The following PARD3B variants were observed in gnomAD, a reference collection of about 807,000 sequenced individuals.
PARD3B encodes partitioning defective 3 homolog B.
PARD3B carries 103 observed loss-of-function variants against 130.2 expected under a neutral mutation model. The observed-to-expected ratio is 0.79, with a 90% CI of 0.67 to 0.93. The LOEUF is 0.93. Among genes scored for constraint, PARD3B ranks in the 40% least tolerant of loss-of-function variants. PARD3B has a pLI of 0.00. For synonymous variants in PARD3B, 583 were observed against 553.2 expected, an observed-to-expected ratio of 1.05 and a Z score of -0.76; for missense variants, 1,609 against 1,499.2, an observed-to-expected ratio of 1.07 and a Z score of -1.21.
intron 1 of PARD3B, among the ~76,000 whole-genome samples, chr2:204,668,549 A>G (rs1017676387): frequency 2.0e-5 from 3 of 152,198 alleles, no homozygotes; most frequent in Non-Finnish European, 4.4e-5. Context: ...TATGTTTTTT[A>G]GTTACGTCAT....
intron 6 of PARD3B, among the ~76,000 whole-genome samples, chr2:205,118,609 C>T (rs988051697): frequency 2.0e-5 from 3 of 152,228 alleles, no homozygotes; most frequent in Non-Finnish European, 4.4e-5. Context: ...GTGTGATGCC[C>T]TTCTCCAAAC....
intron 22 of PARD3B, among the ~76,000 whole-genome samples, chr2:205,588,014 C>CA (rs1228809235): frequency 1.3e-5 from 2 of 152,196 alleles, no homozygotes; most frequent in African/African-American, 4.8e-5. Context: ...CACCTGCATG[C>CA]AGTGGGCATT....
At chr2:205,383,908 T>C (rs2105955570) in intron 18 of PARD3B, among the ~76,000 whole-genome samples, 1 of 152,250 alleles carries the variant, frequency 6.6e-6, no homozygotes, top group African/African-American at 2.4e-5. Context: ...ACTTCCTTCT[T>C]CTAACCTAAT....
At chr2:204,999,787 T>C (rs1276065055) in intron 3 of PARD3B, among the ~76,000 whole-genome samples, 1 of 152,196 alleles carries the variant, frequency 6.6e-6, no homozygotes, top group Non-Finnish European at 1.5e-5. Context: ...GAATTCAATC[T>C]TTCTTAGGAA....
intron 2 of PARD3B, among the ~76,000 whole-genome samples, chr2:204,856,039 T>G (rs1335295736): frequency 6.6e-6 from 1 of 152,198 alleles, no homozygotes; most frequent in Non-Finnish European, 1.5e-5. Flanking sequence ...TTTGACATGT[T>G]GATTTCATTT....
At chr2:205,055,198 C>T (rs1699557074) in intron 4 of PARD3B, among the ~76,000 whole-genome samples, 1 of 152,052 alleles carries the variant, frequency 6.6e-6, no homozygotes, top group South Asian at 2.1e-4. Context: ...TTGTAATTTT[C>T]TAATAACTGT....
rs188972751 is a variant in PARD3B at position 204,732,751 on chromosome 2, T to C, written c.222+46469T>C. Among the ~76,000 whole-genome samples the C allele has an allele frequency of 3.0e-3, 450 of 152,296 alleles. 1 individual carries two copies. The highest frequency in any genetic ancestry group is 9.6e-3 in the African/African-American group (399 of 41,558). On this transcript the variant is annotated intron_variant, in intron 2 of 22. Coordinates refer to ENST00000406610, the MANE Select transcript of PARD3B (RefSeq NM_001302769.2). The stretch of plus-strand genomic sequence containing the variant: ...GAGACATGTGTACCTTACTTATGGA[T>C]ACTTGGCAAGGTAGGCATTAGTATT...
rs114461688 is a variant in PARD3B, at chr2:204,921,816, A to G, written c.223-43336A>G. Among the ~76,000 whole-genome samples, 558 of 152,228 alleles carry G rather than the reference A, an allele frequency of 3.7e-3. 5 individuals are homozygous for G. Among genetic ancestry groups the G allele is most frequent in the African/African-American group, 0.012 (519 of 41,556 alleles). Reference sequence around the variant, plus strand: ...AGAAAGAGATATCAAATAGGGGACTATTGCAATAAGTCAGATAAGAGGTGA... The same window carrying G: ...AGAAAGAGATATCAAATAGGGGACTGTTGCAATAAGTCAGATAAGAGGTGA... On this transcript the variant is annotated intron_variant, in intron 2 of 22. Transcript: ENST00000406610.
chr2:204,694,341 C>T (rs1299247147), intron 2 of PARD3B, among the ~76,000 whole-genome samples: 1 of 151,904 alleles, frequency 6.6e-6, no homozygotes, highest in Admixed American at 6.6e-5. Context: ...TAACATTTAC[C>T]ACTTACCATC....
At chr2:204,870,274 G>A (rs2045581746) in intron 2 of PARD3B, among the ~76,000 whole-genome samples, 1 of 152,110 alleles carries the variant, frequency 6.6e-6, no homozygotes. Context: ...CAATTAATTG[G>A]ATAACTACCA....
At chr2:204,745,616 T>G (rs1460042368) in intron 2 of PARD3B, among the ~76,000 whole-genome samples, 1 of 152,094 alleles carries the variant, frequency 6.6e-6, no homozygotes, top group Non-Finnish European at 1.5e-5. Context: ...TTGGCCAGGC[T>G]GGTCTCAAAC....
intron 1 of PARD3B, among the ~76,000 whole-genome samples, chr2:204,682,621 G>T (rs2036888780): frequency 6.6e-6 from 1 of 152,178 alleles, no homozygotes; most frequent in Non-Finnish European, 1.5e-5. Context: ...TTGCATGGCT[G>T]AGAACTGTAA....
At chr2:204,926,159 G>C (rs1687601145) in intron 2 of PARD3B, among the ~76,000 whole-genome samples, 1 of 151,972 alleles carries the variant, frequency 6.6e-6, no homozygotes, top group African/African-American at 2.4e-5. Context: ...TGAGCACTAG[G>C]CACCTGGATT....
intron 1 of PARD3B, among the ~76,000 whole-genome samples, chr2:204,575,303 G>T (rs1413332892): frequency 3.3e-5 from 5 of 152,184 alleles, no homozygotes; most frequent in African/African-American, 1.2e-4. Flanking sequence ...AATGGTTGGA[G>T]TGAACCTTTA....
chr2:205,198,395 G>A (rs1361938264), intron 15 of PARD3B, among the ~76,000 whole-genome samples: 3 of 152,196 alleles, frequency 2.0e-5, no homozygotes, highest in African/African-American at 7.2e-5. Flanking sequence ...AGTCTTTTAA[G>A]AAAGAGCATG....
At chr2:205,220,457 T>G (rs1427536319) in intron 15 of PARD3B, among the ~76,000 whole-genome samples, 1 of 152,184 alleles carries the variant, frequency 6.6e-6, no homozygotes, top group Non-Finnish European at 1.5e-5. Flanking sequence ...CATGGGCTAC[T>G]GTTAGGTGCC....
At chr2:205,031,082 C>T (rs1008019279) in intron 3 of PARD3B, among the ~76,000 whole-genome samples, 2 of 152,128 alleles carry the variant, frequency 1.3e-5, no homozygotes, top group African/African-American at 4.8e-5. Context: ...ACTTCAAGAA[C>T]ACAACCAAAG....
In PARD3B at chr2:205,122,077, G is replaced by A. The variant is rs2030809869; in HGVS notation, c.1165+128G>A. On this transcript the variant is annotated intron_variant, in intron 8 of 22. Coordinates refer to ENST00000406610, the MANE Select transcript of PARD3B (RefSeq NM_001302769.2). The surrounding 1 kb of genome is among the most constrained non-coding windows in gnomAD (Gnocchi z 4.3). ...ATTGTATCAAAGAATAGATTTAAGT[G>A]TATACTTAGGTAACTTAAATTTCTT... The A allele has an allele frequency of 2.6e-6, 2 of 783,740 alleles. No individual in the cohort carries two copies. Among genetic ancestry groups the A allele is most frequent in the Non-Finnish European group, 3.9e-6 (2 of 509,278 alleles). 48.5% of individuals were successfully genotyped at this position (783,740 alleles called of 1,614,324 possible).
chr2:204,914,704 G>A (rs796095853), intron 2 of PARD3B, among the ~76,000 whole-genome samples: 1 of 152,150 alleles, frequency 6.6e-6, no homozygotes, highest in Non-Finnish European at 1.5e-5. Context: ...TGGTGAAGAG[G>A]TTAGGAGCAG....
Sources: allele counts gnomAD v4.1 joint callset (sites outside exome capture counted in the v4.1 genomes callset), GRCh38; gene constraint gnomAD v4.1.1; non-coding constraint Gnocchi (gnomAD v3.1); transcripts MANE v1.5; gene names NCBI Gene and HGNC (gene_info 2026-07-23, HGNC 2026-07-21).